Variants in NEXMIF observed in about 807,000 individuals in gnomAD.
The protein encoded by NEXMIF is neurite extension and migration factor.
A neutral mutation model predicts 62.1 loss-of-function variants in NEXMIF; 8 were observed. The observed-to-expected ratio is 0.13, with a 90% CI of 0.08 to 0.23. The LOEUF (loss-of-function observed/expected upper bound fraction) is 0.23, where lower values mean the gene tolerates loss of function less well. Among genes scored for constraint, NEXMIF ranks in the 10% least tolerant of loss-of-function variants. The probability of loss-of-function intolerance (pLI) is 1.00; values close to 1 mark genes in which losing one functional copy is unlikely to be tolerated. For synonymous variants in NEXMIF, 404 were observed against 416.6 expected (o/e 0.97, Z 0.37); for missense variants, 976 against 1,113.3 (o/e 0.88, Z 1.75).
At chrX:74,814,160 G>A (rs1259776866) in intron 1 of NEXMIF, among the ~76,000 whole-genome samples, 1 of 111,575 alleles carries the variant, frequency 9.0e-6, no homozygotes, top group African/African-American at 3.3e-5. Context: ...ACAAGTTGCC[G>A]AGGTAGGAAT....
rs1289430225 is a variant in NEXMIF at position 74,791,139 on chromosome X, G to C, written c.-47-45442C>G. 3.6e-5 allele frequency among the ~76,000 whole-genome samples: 4 copies of C among 110,801 alleles called. No homozygotes were observed. The East Asian group carries it at 1.1e-3, about 31-fold the overall frequency. Reference sequence around the variant, plus strand: ...TGTCATAGATAGCTCTTATTATTTTGAAATACGTCCCATCAATACCTAATT... The same window carrying C: ...TGTCATAGATAGCTCTTATTATTTTCAAATACGTCCCATCAATACCTAATT... On this transcript the variant is annotated intron_variant, in intron 1 of 3. Coordinates refer to ENST00000055682, the MANE Select transcript of NEXMIF (RefSeq NM_001008537.3).
At chrX:74,885,192 C>G (rs1226479533) in intron 1 of NEXMIF, among the ~76,000 whole-genome samples, 2 of 110,935 alleles carry the variant, frequency 1.8e-5, no homozygotes, top group Non-Finnish European at 1.9e-5. Flanking sequence ...CAAGAGAAAG[C>G]AGGAAAGATC....
At chrX:74,778,526 T>A (rs1229621756) in intron 1 of NEXMIF, among the ~76,000 whole-genome samples, 1 of 111,704 alleles carries the variant, frequency 9.0e-6, no homozygotes. Context: ...TATGTTGATA[T>A]ACATTTAACC....
rs940671175 is a variant in NEXMIF at position 74,754,001 on chromosome X, G to A, written c.-47-8304C>T. 6.3e-5 allele frequency among the ~76,000 whole-genome samples: 7 copies of A among 111,779 alleles called. No individual in the cohort carries two copies. In the East Asian group the frequency reaches 1.1e-3, roughly 18 times the overall value. ...TTTTGAGATGGAGTCTCGCTCTGTCGCCCAGGCTGGAGTGCAGTGGTGTGA... is the reference window on the plus strand; with the variant it reads ...TTTTGAGATGGAGTCTCGCTCTGTCACCCAGGCTGGAGTGCAGTGGTGTGA... On this transcript the variant is annotated intron_variant, in intron 1 of 3. Transcript: ENST00000055682.
At chrX:74,812,918 G>A (rs887921895) in intron 1 of NEXMIF, among the ~76,000 whole-genome samples, 1 of 111,641 alleles carries the variant, frequency 9.0e-6, no homozygotes, top group African/African-American at 3.3e-5. Flanking sequence ...AATGTGATTG[G>A]TGCTGAACTT....
At chrX:74,841,471 C>A (rs961027882) in intron 1 of NEXMIF, among the ~76,000 whole-genome samples, 1 of 111,637 alleles carries the variant, frequency 9.0e-6, no homozygotes, top group African/African-American at 3.3e-5. Flanking sequence ...CCTTTTATTT[C>A]TTTCTCTTGC....
At chrX:74,894,181 C>T (rs1207970876) in intron 1 of NEXMIF, among the ~76,000 whole-genome samples, 2 of 110,709 alleles carry the variant, frequency 1.8e-5, no homozygotes, top group Admixed American at 1.9e-4. Flanking sequence ...CACCTGTAGT[C>T]CCAGTTACTT....
At chrX:74,903,892 T>A (rs867805289) in intron 1 of NEXMIF, among the ~76,000 whole-genome samples, 1 of 86,808 alleles carries the variant, frequency 1.2e-5, no homozygotes, top group East Asian at 6.5e-3. Context: ...TGTGTGTGTG[T>A]GTGTGTGTGT....
chrX:74,902,017 T>C (rs1381350263), intron 1 of NEXMIF, among the ~76,000 whole-genome samples: 1 of 110,945 alleles, frequency 9.0e-6, no homozygotes, highest in Non-Finnish European at 1.9e-5. Context: ...GCAAACTGGC[T>C]CCCAGTGGGA....
chrX:74,793,246 G>A (rs1356803195), intron 1 of NEXMIF, among the ~76,000 whole-genome samples: 1 of 109,996 alleles, frequency 9.1e-6, no homozygotes, highest in Non-Finnish European at 1.9e-5. Context: ...GCTTAGTTTG[G>A]CTGGATATGA....
At chrX:74,876,990 C>T (rs1412088857) in intron 1 of NEXMIF, among the ~76,000 whole-genome samples, 1 of 111,535 alleles carries the variant, frequency 9.0e-6, no homozygotes, top group East Asian at 2.8e-4. Flanking sequence ...AGTCCATTTA[C>T]ATTTAAAGTT....
chrX:74,770,741 A>C (rs1421180429), intron 1 of NEXMIF, among the ~76,000 whole-genome samples: 1 of 112,071 alleles, frequency 8.9e-6, no homozygotes, highest in East Asian at 2.8e-4. Context: ...GTCATAGCCC[A>C]ATGGGGTAGA....
intron 1 of NEXMIF, among the ~76,000 whole-genome samples, chrX:74,759,653 C>T (rs189137143): frequency 1.5e-4 from 17 of 112,022 alleles, no homozygotes; most frequent in African/African-American, 5.5e-4. Context: ...GAGTCCTTTA[C>T]CCATTGCTTG....
intron 1 of NEXMIF, among the ~76,000 whole-genome samples, chrX:74,878,309 G>A (rs1242901188): frequency 1.8e-5 from 2 of 112,085 alleles, no homozygotes; most frequent in Admixed American, 9.5e-5. Flanking sequence ...TCAGGGGTCA[G>A]GGGTCAGGGA....
In NEXMIF at chrX:74,743,615, A is replaced by G. The variant is rs1556016735; in HGVS notation, c.942T>C (p.Tyr314=). 1 of 1,209,939 alleles carries G rather than the reference A, an allele frequency of 8.3e-7. No homozygotes were observed. The highest frequency in any genetic ancestry group is 1.1e-6 in the Non-Finnish European group (1 of 895,227). The change falls in exon 3 of 4, where the codon TAT becomes TAC. Residue 314 remains tyrosine (Y), a synonymous_variant. Transcript: ENST00000055682. ...GSDVCSLKIR[Y]ESFQDNVRDK... is the part of the protein sequence containing the mutation. ...CTCGAACATTGTCCTGAAAGGATTC[A>G]TATCGAATTTTCAGGGAGCAGACAT...
chrX:74,877,974 G>A (rs2080644284), intron 1 of NEXMIF, among the ~76,000 whole-genome samples: 1 of 112,180 alleles, frequency 8.9e-6, no homozygotes, highest in African/African-American at 3.2e-5. Flanking sequence ...ATCGTCTGAA[G>A]CCTTCTTCTC....
At chrX:74,784,194 G>A (rs2080254360) in intron 1 of NEXMIF, among the ~76,000 whole-genome samples, 1 of 111,625 alleles carries the variant, frequency 9.0e-6, no homozygotes, top group Admixed American at 9.6e-5. Context: ...CTTTCATTGG[G>A]ACTTGCTCAG....
At chrX:74,762,621 A>T (rs967576164) in intron 1 of NEXMIF, among the ~76,000 whole-genome samples, 2 of 111,479 alleles carry the variant, frequency 1.8e-5, no homozygotes, top group African/African-American at 6.5e-5. Context: ...CCTCTCCAGC[A>T]CCTGTTGTTT....
At chrX:74,779,235 C>T (rs755556031) in intron 1 of NEXMIF, among the ~76,000 whole-genome samples, 3 of 112,236 alleles carry the variant, frequency 2.7e-5, no homozygotes, top group Non-Finnish European at 3.8e-5. Flanking sequence ...TTGAGTAAGA[C>T]GTAATCTGAC....
Sources: gnomAD v4.1 joint callset for allele counts (sites outside exome capture counted in the v4.1 genomes callset) on GRCh38, gnomAD v4.1.1 for gene constraint, MANE v1.5 for transcripts, NCBI Gene and HGNC (gene_info 2026-07-23, HGNC 2026-07-21) for gene names.